Variants in CTNND2 observed in about 807,000 individuals in gnomAD.
CTNND2 encodes catenin delta 2.
In CTNND2, 22 loss-of-function variants were observed where a neutral mutation model predicts 144.4. The observed-to-expected ratio is 0.15, with a 90% CI of 0.11 to 0.22. The LOEUF (loss-of-function observed/expected upper bound fraction) is 0.22, where lower values mean the gene tolerates loss of function less well. CTNND2 is among the 10% of genes least tolerant of loss of function. The pLI, the probability that CTNND2 is intolerant of heterozygous loss-of-function variation, is 1.00. For missense variants in CTNND2, 1,353 were observed against 1,618.8 expected (o/e 0.84, Z 2.82); for synonymous variants, 751 against 695.6 (o/e 1.08, Z -1.25).
intron 12 of CTNND2, among the ~76,000 whole-genome samples, chr5:11,158,276 T>C (rs1190285372): frequency 6.6e-6 from 1 of 152,170 alleles, no homozygotes; most frequent in Non-Finnish European, 1.5e-5. Context: ...GCATGGGAGT[T>C]CAGAAGAGCC....
intron 4 of CTNND2, 105 bp from the exon 5 acceptor site, chr5:11,411,757 C>A (rs536126527): frequency 1.9e-4 from 147 of 793,688 alleles, no homozygotes; most frequent in Admixed American, 4.8e-4. Flanking sequence ...AATATATTAC[C>A]TCTATGAAGT....
intron 1 of CTNND2, among the ~76,000 whole-genome samples, chr5:11,738,141 C>G (rs1234658360): frequency 6.6e-6 from 1 of 152,166 alleles, no homozygotes; most frequent in Non-Finnish European, 1.5e-5. Flanking sequence ...TCACAGGTCT[C>G]AGGAGGAGGC....
chr5:11,208,303 C>T (rs1472695198), intron 10 of CTNND2, among the ~76,000 whole-genome samples: 1 of 152,022 alleles, frequency 6.6e-6, no homozygotes, highest in African/African-American at 2.4e-5. Flanking sequence ...TTAAGCAGTT[C>T]AAATCCAAAG....
intron 21 of CTNND2, among the ~76,000 whole-genome samples, chr5:10,977,954 C>A (rs527439385): frequency 6.6e-6 from 1 of 152,328 alleles, no homozygotes; most frequent in South Asian, 2.1e-4. Context: ...TTTCTCAGCT[C>A]TCACTGTCTT....
chr5:11,678,423 C>T (rs561067238), intron 2 of CTNND2, among the ~76,000 whole-genome samples: 1 of 152,102 alleles, frequency 6.6e-6, no homozygotes. Flanking sequence ...AAATAAAACT[C>T]CCCAACCAGC....
intron 2 of CTNND2, among the ~76,000 whole-genome samples, chr5:11,577,499 G>C (rs370006380): frequency 1.3e-5 from 2 of 152,202 alleles, no homozygotes; most frequent in East Asian, 1.9e-4. Context: ...GCAGGAACTA[G>C]TATTTGAGAC....
Position 11,718,553 on chromosome 5 carries a change from G to A in CTNND2, c.174+13583C>T, listed in dbSNP as rs554137283. The stretch of plus-strand genomic sequence containing the variant: ...GACTTGCAAACACACTTGTGATCCA[G>A]AGGGTTTTAAGTCACAGCAACAAAA... On this transcript the variant is annotated intron_variant, in intron 2 of 21. Transcript: ENST00000304623. Among the ~76,000 whole-genome samples, 8 of 152,128 alleles carry A rather than the reference G, an allele frequency of 5.3e-5. No homozygotes were observed. The South Asian group carries it at 1.7e-3, about 32-fold the overall frequency.
At chr5:11,292,823 C>T (rs1748501354) in intron 9 of CTNND2, among the ~76,000 whole-genome samples, 1 of 152,168 alleles carries the variant, frequency 6.6e-6, no homozygotes, top group African/African-American at 2.4e-5. Context: ...AGCCCAGGAA[C>T]TGCCATAAGC....
chr5:11,524,561 C>A (rs1773044020), intron 3 of CTNND2, among the ~76,000 whole-genome samples: 1 of 152,170 alleles, frequency 6.6e-6, no homozygotes, highest in Admixed American at 6.5e-5. Context: ...TTTCCCCCAA[C>A]AAAGCCCTGC....
At chr5:11,334,745 T>C (rs994184444) in intron 9 of CTNND2, among the ~76,000 whole-genome samples, 3 of 152,092 alleles carry the variant, frequency 2.0e-5, no homozygotes, top group African/African-American at 7.2e-5. Context: ...ACTTTGGGGG[T>C]TTCTTGCAAA....
At chr5:11,849,091 A>C (rs1794890931) in intron 1 of CTNND2, among the ~76,000 whole-genome samples, 1 of 152,180 alleles carries the variant, frequency 6.6e-6, no homozygotes, top group South Asian at 2.1e-4. Context: ...AAAGAAAAAA[A>C]GGTTTAATGG....
chr5:11,158,013 T>C (rs2149764560), intron 12 of CTNND2, among the ~76,000 whole-genome samples: 1 of 152,306 alleles, frequency 6.6e-6, no homozygotes. Flanking sequence ...GGATGTCAAA[T>C]GTACTTTAAT....
At chr5:11,054,586 G>A (rs963766786) in intron 16 of CTNND2, among the ~76,000 whole-genome samples, 1 of 151,948 alleles carries the variant, frequency 6.6e-6, no homozygotes, top group African/African-American at 2.4e-5. Flanking sequence ...CAGTCCCCAC[G>A]CTTGCCTCCC....
intron 15 of CTNND2, among the ~76,000 whole-genome samples, chr5:11,098,171 T>C (rs1044185677): frequency 6.6e-6 from 1 of 152,216 alleles, no homozygotes; most frequent in Non-Finnish European, 1.5e-5. Context: ...TGGGACCCGG[T>C]ACATTTTAAG....
At chr5:11,096,907 C>T (rs1281583259) in intron 15 of CTNND2, among the ~76,000 whole-genome samples, 1 of 152,060 alleles carries the variant, frequency 6.6e-6, no homozygotes, top group Admixed American at 6.5e-5. Context: ...AAGCCCAGAG[C>T]CCATTTTCCT....
intron 11 of CTNND2, among the ~76,000 whole-genome samples, chr5:11,176,848 T>A (rs1760526405): frequency 6.6e-6 from 1 of 152,156 alleles, no homozygotes; most frequent in African/African-American, 2.4e-5. Context: ...CAGATTAATG[T>A]TCCTACCCTG....
At position 11,625,389 on chromosome 5, in the gene CTNND2, A is replaced by ATCTCTCTCTCTCTCTCTCTCTCTCTC. The variant is rs57148533; in HGVS notation, c.175-60359_175-60334dup. 4.3e-5 allele frequency among the ~76,000 whole-genome samples: 6 copies of ATCTCTCTCTCTCTCTCTCTCTCTCTC among 140,392 alleles called. 1 individual carries two copies. Among genetic ancestry groups the ATCTCTCTCTCTCTCTCTCTCTCTCTC allele is most frequent in the African/African-American group, 1.3e-4 (5 of 37,860 alleles). 92.1% of individuals were successfully genotyped at this position (140,392 alleles called of 152,430 possible). A position where few individuals can be genotyped will look rare whatever the true frequency, so the allele number is the denominator to read the frequency against. On this transcript the variant is annotated intron_variant, in intron 2 of 21. Coordinates refer to ENST00000304623, the MANE Select transcript of CTNND2 (RefSeq NM_001332.4). ...ACAACTGGGTAATGCAAACAGAAAA[A>ATCTCTCTCTCTCTCTCTCTCTCTCTC]TCTCTCTCTCTCTCTCTCTCTCTCT...
intron 12 of CTNND2, among the ~76,000 whole-genome samples, chr5:11,128,085 C>T (rs1168095351): frequency 6.6e-6 from 1 of 152,014 alleles, no homozygotes; most frequent in Admixed American, 6.6e-5. Context: ...AATAGGGAGA[C>T]TTTCCCTATT....
At position 11,341,458 on chromosome 5, in the gene CTNND2, A is replaced by G. The variant is rs9312761; in HGVS notation, c.1628+4914T>C. Among the ~76,000 whole-genome samples the G allele has an allele frequency of 4.4e-3, 674 of 152,316 alleles. 4 individuals are homozygous for G. The highest frequency in any genetic ancestry group is 0.016 in the African/African-American group (651 of 41,562). On this transcript the variant is annotated intron_variant, in intron 9 of 21. Coordinates refer to ENST00000304623, the MANE Select transcript of CTNND2 (RefSeq NM_001332.4). ...CGACCTCCGGCACTCTTCAAACTCCAGAAGTCTTTAAGTTGTGAATCCAGT... is the reference window on the plus strand; with the variant it reads ...CGACCTCCGGCACTCTTCAAACTCCGGAAGTCTTTAAGTTGTGAATCCAGT...
Sources: gnomAD v4.1 joint callset for allele counts (sites outside exome capture counted in the v4.1 genomes callset) on GRCh38, gnomAD v4.1.1 for gene constraint, MANE v1.5 for transcripts, NCBI Gene and HGNC (gene_info 2026-07-23, HGNC 2026-07-21) for gene names.